Variants in FBXO16 observed in about 807,000 individuals in gnomAD.
FBXO16 encodes the protein F-box protein 16.
A neutral mutation model predicts 41.0 loss-of-function variants in FBXO16; 31 were observed. The observed-to-expected ratio is 0.76, with a 90% CI of 0.57 to 1.02. FBXO16 has a LOEUF of 1.02. Ranked by LOEUF, FBXO16 falls within the 50% of genes least tolerant of loss-of-function variation. FBXO16 has a pLI of 0.00. For missense variants in FBXO16, 361 were observed against 346.2 expected, an observed-to-expected ratio of 1.04 and a Z score of -0.34; for synonymous variants, 133 against 117.8, an observed-to-expected ratio of 1.13 and a Z score of -0.84.
At chr8:28,459,380 G>A (rs1415450589) in intron 4 of FBXO16, among the ~76,000 whole-genome samples, 3 of 152,032 alleles carry the variant, frequency 2.0e-5, no homozygotes, top group African/African-American at 7.2e-5. Context: ...CACTTTGAGA[G>A]GCCAAGGCGA....
intron 2 of FBXO16, among the ~76,000 whole-genome samples, chr8:28,480,730 C>A (rs900945038): frequency 6.6e-6 from 1 of 152,120 alleles, no homozygotes; most frequent in Non-Finnish European, 1.5e-5. Context: ...GTCTTGAATT[C>A]CTGACCTCAG....
At chr8:28,442,628 C>T (rs1802798582) in intron 7 of FBXO16, among the ~76,000 whole-genome samples, 1 of 152,156 alleles carries the variant, frequency 6.6e-6, no homozygotes, top group Non-Finnish European at 1.5e-5. Context: ...AGGTGATCCG[C>T]CTGCCTCAGC....
chr8:28,438,407 GA>G (rs1450800592), intron 7 of FBXO16, among the ~76,000 whole-genome samples: 1 of 152,108 alleles, frequency 6.6e-6, no homozygotes, highest in African/African-American at 2.4e-5. Context: ...GACGGTCAAG[GA>G]AAAAGCAAAA....
chr8:28,428,413 G>T lies in FBXO16; in HGVS notation c.*314C>A. 1.4e-6 allele frequency: 1 copy of T among 700,226 alleles called. No homozygotes were observed. Among genetic ancestry groups the T allele is most frequent in the Non-Finnish European group, 2.2e-6 (1 of 444,822 alleles). The allele number at this position is 700,226 out of a possible 1,614,324, so 43.4% of individuals were successfully genotyped here. A position where few individuals can be genotyped will look rare whatever the true frequency, so the allele number is the denominator to read the frequency against. On this transcript the variant is annotated 3_prime_UTR_variant, in exon 9 of 9. Coordinates refer to ENST00000380254, the MANE Select transcript of FBXO16 (RefSeq NM_172366.4). Reference sequence around the variant, plus strand: ...CATCCGTAAATCTGTCCACATTTATGCCATGAATTCCTTTTTACTGAAATA... The same window carrying T: ...CATCCGTAAATCTGTCCACATTTATTCCATGAATTCCTTTTTACTGAAATA...
At chr8:28,441,163 C>CCT (rs2130097072) in intron 7 of FBXO16, among the ~76,000 whole-genome samples, 1 of 152,186 alleles carries the variant, frequency 6.6e-6, no homozygotes, top group Admixed American at 6.5e-5. Context: ...ACTGTTCCCG[C>CCT]CTCTCTCCCC....
chr8:28,463,384 G>A (rs1034919659), intron 4 of FBXO16, among the ~76,000 whole-genome samples: 3 of 139,548 alleles, frequency 2.1e-5, no homozygotes, highest in Non-Finnish European at 4.8e-5. Flanking sequence ...GTGTGTTTGT[G>A]TGTTTGTGTT....
chr8:28,457,193 T>A (rs62502421), intron 4 of FBXO16, among the ~76,000 whole-genome samples: 3,256 of 152,340 alleles, frequency 0.021, 51 homozygotes, highest in Non-Finnish European at 0.032. Flanking sequence ...CTATTAATTA[T>A]CTTCATAGCA....
At chr8:28,467,827 G>A (rs965171653) in intron 3 of FBXO16, among the ~76,000 whole-genome samples, 32 of 152,164 alleles carry the variant, frequency 2.1e-4, no homozygotes, top group African/African-American at 7.0e-4. Flanking sequence ...AATTACATTG[G>A]TTCCTCATTT....
intron 7 of FBXO16, among the ~76,000 whole-genome samples, chr8:28,433,245 C>T (rs895109064): frequency 2.6e-5 from 4 of 152,084 alleles, no homozygotes; most frequent in African/African-American, 4.8e-5. Flanking sequence ...TCCTGATGTG[C>T]CGTTATAGTG....
At chr8:28,464,906 C>G (rs1417194689) in intron 3 of FBXO16, among the ~76,000 whole-genome samples, 1 of 152,172 alleles carries the variant, frequency 6.6e-6, no homozygotes, top group South Asian at 2.1e-4. Flanking sequence ...CCCACCTTGG[C>G]CTCCCAAAGT....
intron 7 of FBXO16, among the ~76,000 whole-genome samples, chr8:28,445,087 G>A (rs77354849): frequency 0.012 from 1,898 of 151,974 alleles, 21 homozygotes; most frequent in Non-Finnish European, 0.019. Context: ...TCAAAATATC[G>A]CAGCATACTT....
At chr8:28,447,514 AAGGATCTCC>A in intron 6 of FBXO16, 1 of 457,810 alleles carries the variant, frequency 2.2e-6, no homozygotes, top group Admixed American at 3.5e-5. Context: ...TCAACTGTGG[AAGGATCTCC>A]AGGATATACT....
chr8:28,438,006 T>C (rs2130087809), intron 7 of FBXO16, among the ~76,000 whole-genome samples: 1 of 152,278 alleles, frequency 6.6e-6, no homozygotes, highest in Non-Finnish European at 1.5e-5. Context: ...ATGCAACTGT[T>C]TCTTACACAG....
intron 1 of FBXO16, among the ~76,000 whole-genome samples, chr8:28,484,519 A>G (rs1400555562): frequency 6.6e-6 from 1 of 152,244 alleles, no homozygotes; most frequent in East Asian, 1.9e-4. Flanking sequence ...TCCCCAGCCA[A>G]GAGATGGTCA....
intron 2 of FBXO16, among the ~76,000 whole-genome samples, chr8:28,475,416 A>T (rs1803408128): frequency 6.6e-6 from 1 of 152,226 alleles, no homozygotes; most frequent in South Asian, 2.1e-4. Flanking sequence ...GCTAACTGCC[A>T]CCTGGGCTAC....
At position 28,432,472 on chromosome 8, in the gene FBXO16, TCAAAACAAAA is replaced by T. The variant is rs375316920; in HGVS notation, c.844-3079_844-3070del. On this transcript the variant is annotated intron_variant, in intron 7 of 8. Transcript: ENST00000380254. ...CTGGGCAATGGAGTGAGACTCCATC[TCAAAACAAAA>T]CAAAACAAAACAAAACAACAACAAC... Among the ~76,000 whole-genome samples the T allele has an allele frequency of 1.1e-3, 162 of 151,228 alleles. No homozygotes were observed. In the East Asian group the frequency reaches 0.015, roughly 14 times the overall value.
chr8:28,466,536 A>T (rs1000403067), intron 3 of FBXO16, among the ~76,000 whole-genome samples: 1 of 151,932 alleles, frequency 6.6e-6, no homozygotes, highest in African/African-American at 2.4e-5. Flanking sequence ...TCACACCTGT[A>T]ATCCCAGCAC....
At chr8:28,478,761 G>A (rs1803462095) in intron 2 of FBXO16, among the ~76,000 whole-genome samples, 1 of 149,256 alleles carries the variant, frequency 6.7e-6, no homozygotes, top group Non-Finnish European at 1.5e-5. Flanking sequence ...GGCAGAGGTT[G>A]CAGTGAGCCG....
At chr8:28,477,406 C>T (rs771526694) in intron 2 of FBXO16, among the ~76,000 whole-genome samples, 2 of 152,156 alleles carry the variant, frequency 1.3e-5, no homozygotes, top group Non-Finnish European at 2.9e-5. Context: ...TCCTTTCACA[C>T]AGTTAGAATG....
Sources: allele counts gnomAD v4.1 joint callset (sites outside exome capture counted in the v4.1 genomes callset), GRCh38; gene constraint gnomAD v4.1.1; transcripts MANE v1.5; gene names NCBI Gene and HGNC (gene_info 2026-07-23, HGNC 2026-07-21).